DPH6: variants seen among roughly 807,000 people sequenced by gnomAD.
DPH6 encodes the protein diphthamine biosynthesis 6.
Under a neutral mutation model 38.2 loss-of-function variants are expected in DPH6, and 33 were observed. The observed-to-expected ratio is 0.86, with a 90% CI of 0.65 to 1.15. The LOEUF is 1.15. DPH6 is among the 50% of genes most tolerant of loss of function. The probability of loss-of-function intolerance (pLI) is 0.00; values close to 1 mark genes in which losing one functional copy is unlikely to be tolerated. For synonymous variants in DPH6, 108 were observed against 103.0 expected, an observed-to-expected ratio of 1.05 and a Z score of -0.30; for missense variants, 325 against 320.0, an observed-to-expected ratio of 1.02 and a Z score of -0.12.
chr15:35,174,891 T>C, the DPH6 span, among the ~76,000 whole-genome samples: 1 of 152,042 alleles, frequency 6.6e-6, no homozygotes, highest in Non-Finnish European at 1.5e-5. Flanking sequence ...AAAACAAGTA[T>C]GATTTATATG....
At chr15:35,427,381 C>A (rs1257123502) in intron 5 of DPH6, among the ~76,000 whole-genome samples, 1 of 151,876 alleles carries the variant, frequency 6.6e-6, no homozygotes, top group Non-Finnish European at 1.5e-5. Flanking sequence ...AATGGCTGAG[C>A]TACAGATGAG....
intron 3 of DPH6, among the ~76,000 whole-genome samples, chr15:35,348,456 T>C (rs577600075): frequency 5.2e-4 from 79 of 152,300 alleles, no homozygotes; most frequent in Non-Finnish European, 8.2e-4. Flanking sequence ...TTTGACCATA[T>C]ACATAAAGAT....
chr15:35,256,667 G>T (rs1391215469), intron 3 of DPH6, among the ~76,000 whole-genome samples: 2 of 152,186 alleles, frequency 1.3e-5, no homozygotes, highest in Non-Finnish European at 2.9e-5. Context: ...TTCACTCTGG[G>T]ATTTAGCCAT....
chr15:35,362,419 T>A lies in DPH6; in HGVS notation n.207+11102A>T, dbSNP rs374872794. Among the ~76,000 whole-genome samples the A allele has an allele frequency of 2.8e-4, 42 of 152,330 alleles. No homozygotes were observed. In the South Asian group the frequency reaches 8.5e-3, roughly 31 times the overall value. ...GTAGCCATCTGAAAATCTGGAATAC[T>A]GGACACATGTTCTGCCCTTCTCTTA... is the stretch of plus-strand genomic sequence containing the variant. On this transcript the variant is annotated intron_variant and non_coding_transcript_variant, in intron 3 of 3. Coordinates refer to the DPH6 transcript ENST00000558973.
At position 35,219,392 on chromosome 15, in the gene DPH6, T is replaced by A. The variant is rs989632244; in HGVS notation, n.1391A>T. 5 of 152,210 alleles carry A rather than the reference T, an allele frequency of 3.3e-5. No homozygotes were observed. In the South Asian group the frequency reaches 8.3e-4, roughly 25 times the overall value. 9.4% of individuals were successfully genotyped at this position (152,210 alleles called of 1,614,324 possible). A position where few individuals can be genotyped will look rare whatever the true frequency, so the allele number is the denominator to read the frequency against. On this transcript the variant is annotated non_coding_transcript_exon_variant, in exon 4 of 4. Transcript: ENST00000560386. ...TTTGAAATTCATTTGGCTCAGACGA[T>A]ACTTTTGAAAATGTATGTATTTTAT...
intron 3 of DPH6, chr15:35,298,636 CT>C: frequency 9.4e-7 from 1 of 1,059,458 alleles, no homozygotes; most frequent in East Asian, 2.4e-5. Context: ...TGCCACCAAG[CT>C]TGCTGGTCTT....
chr15:35,445,395 C>CAAAAA (rs11331685), intron 5 of DPH6, among the ~76,000 whole-genome samples: 7 of 125,520 alleles, frequency 5.6e-5, no homozygotes, highest in African/African-American at 1.2e-4. Context: ...TCATCATCAT[C>CAAAAA]AAAAAAAAAA....
At position 35,529,384 on chromosome 15, in the gene DPH6, C is replaced by T. The variant is rs918505265; in HGVS notation, c.312+8890G>A. 2.6e-5 allele frequency among the ~76,000 whole-genome samples: 4 copies of T among 152,242 alleles called. No homozygotes were observed. The East Asian group carries it at 5.8e-4, about 22-fold the overall frequency. On this transcript the variant is annotated intron_variant, in intron 3 of 8. Transcript: ENST00000256538. ...TCTCAGGAGAACTCTATCATGAGAA[C>T]AGCAAGGGGGAAGCCCACCCCATGA...
chr15:35,270,263 C>T (rs1457327064), intron 3 of DPH6, among the ~76,000 whole-genome samples: 5 of 152,184 alleles, frequency 3.3e-5, no homozygotes, highest in African/African-American at 1.2e-4. Context: ...TAAAAGATTA[C>T]TTGCTATAGT....
At position 35,410,888 on chromosome 15, in the gene DPH6, G is replaced by T; in HGVS notation, c.514C>A (p.Pro172Thr). The change falls in exon 6 of 9, where the codon CCT becomes ACT. Residue 172 changes from proline (P) to threonine (T), a missense_variant. Transcript: ENST00000256538. Reference sequence around the variant, plus strand: ...AGGGTTTTCCCAAGATGCTTATCAGGATCTAAACCTGCCAAGAAAGGTTAC... The same window carrying T: ...AGGGTTTTCCCAAGATGCTTATCAGTATCTAAACCTGCCAAGAAAGGTTAC... ...IIKVAALGLDPDKHLGKTLDQ... is the reference protein window; with the variant it reads ...IIKVAALGLDTDKHLGKTLDQ... The T allele has an allele frequency of 1.9e-6, 3 of 1,603,002 alleles. No homozygotes were observed. The highest frequency in any genetic ancestry group is 1.7e-6 in the Non-Finnish European group (2 of 1,174,628).
intron 3 of DPH6, among the ~76,000 whole-genome samples, chr15:35,336,474 G>T: frequency 6.6e-6 from 1 of 152,020 alleles, no homozygotes; most frequent in East Asian, 1.9e-4. Flanking sequence ...GCTACTGAAG[G>T]TTGTGCATTC....
At chr15:35,330,571 A>T (rs1219359594), downstream of DPH6, among the ~76,000 whole-genome samples, 3 of 152,134 alleles carry the variant, frequency 2.0e-5, no homozygotes, top group African/African-American at 7.2e-5. Context: ...GAAAAACTTA[A>T]TTTAAAATTA....
intron 3 of DPH6, among the ~76,000 whole-genome samples, chr15:35,240,950 C>T (rs1480247193): frequency 7.0e-6 from 1 of 143,492 alleles, no homozygotes; most frequent in African/African-American, 2.5e-5. Flanking sequence ...GTGAGACAAA[C>T]CCCAGCCACA....
the DPH6 span, among the ~76,000 whole-genome samples, chr15:35,152,373 TA>T: frequency 8.5e-4 from 129 of 152,088 alleles, 2 homozygotes; most frequent in South Asian, 0.024. Flanking sequence ...ATCAGCATAT[TA>T]AAAAAAACTC....
intron 5 of DPH6, among the ~76,000 whole-genome samples, chr15:35,423,228 AT>A (rs1321972108): frequency 5.9e-5 from 9 of 151,678 alleles, no homozygotes; most frequent in African/African-American, 2.2e-4. Context: ...CACTTTTCTG[AT>A]ACTCATTCTA....
chr15:35,278,323 G>T (rs1406390410), intron 3 of DPH6, among the ~76,000 whole-genome samples: 1 of 152,218 alleles, frequency 6.6e-6, no homozygotes, highest in Non-Finnish European at 1.5e-5. Context: ...CGTAATCCTT[G>T]GCAGCTTTCA....
At chr15:35,147,457 C>T in the DPH6 span, among the ~76,000 whole-genome samples, 32,809 of 151,714 alleles carry the variant, frequency 0.22, 4,269 homozygotes, top group East Asian at 0.4. Flanking sequence ...AAAGAGTAAA[C>T]AATATAAAAT....
At chr15:35,355,955 C>T (rs1185424426) in intron 3 of DPH6, among the ~76,000 whole-genome samples, 6 of 152,110 alleles carry the variant, frequency 3.9e-5, no homozygotes, top group Non-Finnish European at 7.4e-5. Flanking sequence ...TCACATAGTC[C>T]CATATTTCTT....
intron 6 of DPH6, among the ~76,000 whole-genome samples, chr15:35,382,981 T>C (rs958391126): frequency 1.3e-5 from 2 of 152,218 alleles, no homozygotes; most frequent in African/African-American, 2.4e-5. Flanking sequence ...ATGTCTGGCA[T>C]CAGTGCTGGG....
Sources: gnomAD v4.1 joint callset for allele counts (sites outside exome capture counted in the v4.1 genomes callset) on GRCh38, gnomAD v4.1.1 for gene constraint, MANE v1.5 for transcripts, NCBI Gene and HGNC (gene_info 2026-07-23, HGNC 2026-07-21) for gene names.